The following ZBTB7C variants were observed in gnomAD, a reference collection of about 807,000 sequenced individuals.
The protein encoded by ZBTB7C is zinc finger and BTB domain-containing protein 7C.
ZBTB7C carries 8 observed loss-of-function variants against 25.7 expected under a neutral mutation model. The observed-to-expected ratio is 0.31, with a 90% CI of 0.18 to 0.56. The LOEUF (loss-of-function observed/expected upper bound fraction) is 0.56, where lower values mean the gene tolerates loss of function less well. Ranked by LOEUF, ZBTB7C falls within the 20% of genes least tolerant of loss-of-function variation. The pLI, the probability that ZBTB7C is intolerant of heterozygous loss-of-function variation, is 0.91. For missense variants in ZBTB7C, 824 were observed against 855.2 expected (o/e 0.96, Z 0.46); for synonymous variants, 394 against 369.0 (o/e 1.07, Z -0.78).
chr18:48,276,969 C>G (rs934557000), intron 2 of ZBTB7C, among the ~76,000 whole-genome samples: 4 of 150,104 alleles, frequency 2.7e-5, no homozygotes, highest in African/African-American at 9.8e-5. Flanking sequence ...CCTGTTGTTT[C>G]CTGACTTTTT....
At position 48,029,926 on chromosome 18, in the gene ZBTB7C, C is replaced by T. The variant is rs771583621; in HGVS notation, c.1209-15G>A. 3 of 1,609,812 alleles carry T rather than the reference C, an allele frequency of 1.9e-6. No homozygotes were observed. The highest frequency in any genetic ancestry group is 1.3e-5 in the African/African-American group (1 of 75,066). ...GCTTGTCCTGCCTGCAATGCAGAGA[C>T]TGGGGGTCAGTCCCGCAGGGAACAC... On this transcript the variant is annotated splice_polypyrimidine_tract_variant and intron_variant, in intron 4 of 4. Coordinates refer to ENST00000590800, the MANE Select transcript of ZBTB7C (RefSeq NM_001318841.2).
intron 2 of ZBTB7C, chr18:48,203,710 C>T (rs536362696): frequency 6.6e-6 from 1 of 152,078 alleles, no homozygotes; most frequent in Non-Finnish European, 1.5e-5. Flanking sequence ...CCCTGAGCTC[C>T]ACCACAGCAC....
chr18:48,403,276 A>G (rs756897148), intron 1 of ZBTB7C, among the ~76,000 whole-genome samples: 8 of 152,238 alleles, frequency 5.3e-5, no homozygotes, highest in African/African-American at 1.7e-4. Context: ...CAGACTCCCA[A>G]CAGAACATCT....
intron 3 of ZBTB7C, among the ~76,000 whole-genome samples, chr18:48,157,566 T>C (rs1050159851): frequency 2.0e-5 from 3 of 152,148 alleles, no homozygotes; most frequent in Admixed American, 2.0e-4. Flanking sequence ...GTTATATTAC[T>C]TGTCAAAATG....
intron 1 of ZBTB7C, among the ~76,000 whole-genome samples, chr18:48,402,972 T>C (rs1354907002): frequency 6.6e-6 from 1 of 152,224 alleles, no homozygotes; most frequent in Non-Finnish European, 1.5e-5. Flanking sequence ...GGTTTGGAAA[T>C]CAGTAGGGTG....
intron 1 of ZBTB7C, among the ~76,000 whole-genome samples, chr18:48,352,443 C>T (rs1257150146): frequency 6.6e-6 from 1 of 152,254 alleles, no homozygotes; most frequent in Non-Finnish European, 1.5e-5. Flanking sequence ...CAAAGGCCCA[C>T]TGTTAGAATC....
chr18:48,138,824 C>T (rs2040252707), intron 3 of ZBTB7C, among the ~76,000 whole-genome samples: 2 of 152,152 alleles, frequency 1.3e-5, no homozygotes, highest in South Asian at 4.1e-4. Flanking sequence ...ACTCCCAGAC[C>T]CCAGGAGGTA....
chr18:48,069,482 C>A (rs4129727), intron 3 of ZBTB7C, among the ~76,000 whole-genome samples: 8,612 of 152,248 alleles, frequency 0.057, 808 homozygotes, highest in African/African-American at 0.2. Context: ...GGACTGTGAG[C>A]AGACAGAGGA....
intron 2 of ZBTB7C, among the ~76,000 whole-genome samples, chr18:48,221,256 G>A (rs2145296581): frequency 1.4e-5 from 2 of 140,404 alleles, no homozygotes; most frequent in South Asian, 4.7e-4. Flanking sequence ...CCTCTATAAT[G>A]TTCTAGACTC....
chr18:48,278,141 C>A (rs778007046), intron 2 of ZBTB7C, among the ~76,000 whole-genome samples: 3 of 152,226 alleles, frequency 2.0e-5, no homozygotes, highest in Non-Finnish European at 4.4e-5. Context: ...GCACCAATGA[C>A]CTTCTGGGCT....
At chr18:48,400,298 G>A (rs4940368) in intron 1 of ZBTB7C, among the ~76,000 whole-genome samples, 139,150 of 152,198 alleles carry the variant, frequency 0.91, 63,942 homozygotes, top group East Asian at 1. Context: ...CACCCTCCTC[G>A]AACTTGGGAA....
chr18:48,326,284 C>T (rs1013131370), intron 2 of ZBTB7C, among the ~76,000 whole-genome samples: 2 of 151,974 alleles, frequency 1.3e-5, no homozygotes, highest in Non-Finnish European at 2.9e-5. Flanking sequence ...TTAGTAGAGA[C>T]GGGGTTTCAC....
chr18:48,327,523 C>T (rs542039017), intron 2 of ZBTB7C, among the ~76,000 whole-genome samples: 81 of 152,326 alleles, frequency 5.3e-4, no homozygotes, highest in Middle Eastern at 6.8e-3. Context: ...ATCCACTGCT[C>T]ATCCCACCCT....
chr18:48,275,789 A>G (rs2144601745), intron 2 of ZBTB7C, among the ~76,000 whole-genome samples: 1 of 152,306 alleles, frequency 6.6e-6, no homozygotes, highest in South Asian at 2.1e-4. Context: ...TTCTTCTCTC[A>G]GCTCTTAATG....
At chr18:48,186,357 G>A (rs1222022275) in intron 2 of ZBTB7C, among the ~76,000 whole-genome samples, 3 of 152,232 alleles carry the variant, frequency 2.0e-5, no homozygotes, top group Admixed American at 1.3e-4. Context: ...CGTGCAGCTC[G>A]GAAGGCCTTC....
chr18:48,153,275 C>T (rs75388615), intron 3 of ZBTB7C, among the ~76,000 whole-genome samples: 6,199 of 152,264 alleles, frequency 0.041, 141 homozygotes, highest in Middle Eastern at 0.085. Flanking sequence ...TTCACCATTA[C>T]CACAAGCTTT....
At chr18:48,313,248 G>A (rs1373474815) in intron 2 of ZBTB7C, among the ~76,000 whole-genome samples, 1 of 152,206 alleles carries the variant, frequency 6.6e-6, no homozygotes, top group Non-Finnish European at 1.5e-5. Context: ...TCATTCATAG[G>A]AAATGGAAAC....
intron 2 of ZBTB7C, among the ~76,000 whole-genome samples, chr18:48,245,199 TA>T (rs1375908518): frequency 6.6e-6 from 1 of 151,346 alleles, no homozygotes; most frequent in Admixed American, 6.6e-5. Context: ...TGGAGACCAT[TA>T]TTGTAAGTGA....
At chr18:48,072,441 G>A (rs2037582628) in intron 3 of ZBTB7C, 3 of 152,204 alleles carry the variant, frequency 2.0e-5, no homozygotes, top group African/African-American at 7.2e-5. Flanking sequence ...GTTGGCCTCA[G>A]GCGCCAACCC....
Sources: allele counts gnomAD v4.1 joint callset (sites outside exome capture counted in the v4.1 genomes callset), GRCh38; gene constraint gnomAD v4.1.1; transcripts MANE v1.5; gene names NCBI Gene and HGNC (gene_info 2026-07-23, HGNC 2026-07-21).